Variants in LRRC3B observed in about 807,000 individuals in gnomAD.
LRRC3B encodes leucine-rich repeat-containing protein 3B.
Under a neutral mutation model 12.8 loss-of-function variants are expected in LRRC3B, and 2 were observed. That is an observed-to-expected ratio of 0.16 (90% CI 0.06 to 0.49). The LOEUF (loss-of-function observed/expected upper bound fraction) is 0.49. LRRC3B is among the 20% of genes least tolerant of loss of function. The probability of loss-of-function intolerance (pLI) is 0.96; values close to 1 mark genes in which losing one functional copy is unlikely to be tolerated. For missense variants in LRRC3B, 189 were observed against 319.4 expected (o/e 0.59, Z 3.11); for synonymous variants, 132 against 122.0 (o/e 1.08, Z -0.54).
intron 1 of LRRC3B, among the ~76,000 whole-genome samples, chr3:26,686,301 G>A (rs150772026): frequency 1.4e-4 from 22 of 152,192 alleles, no homozygotes; most frequent in African/African-American, 4.6e-4. Flanking sequence ...GGATTGTCTC[G>A]ATCTCCTGGC....
chr3:26,683,901 G>A lies in LRRC3B; in HGVS notation c.-160-25612G>A, dbSNP rs144176741. On this transcript the variant is annotated intron_variant, in intron 1 of 1. Transcript: ENST00000396641. ...AGCACTTTGTCAGACAAATCTTGGC[G>A]CCAGCTCTTTGGGTTCCTTTTTGAG... Among the ~76,000 whole-genome samples the A allele has an allele frequency of 2.1e-3, 326 of 152,260 alleles. 2 individuals are homozygous for A. The highest frequency in any genetic ancestry group is 7.6e-3 in the African/African-American group (315 of 41,552).
At chr3:26,707,601 G>A (rs921514853) in intron 1 of LRRC3B, among the ~76,000 whole-genome samples, 4 of 152,078 alleles carry the variant, frequency 2.6e-5, no homozygotes, top group African/African-American at 9.7e-5. Context: ...GCATGTTTTA[G>A]GCTGGTTGCA....
At chr3:26,666,969 G>C (rs1457066827) in intron 1 of LRRC3B, among the ~76,000 whole-genome samples, 1 of 152,048 alleles carries the variant, frequency 6.6e-6, no homozygotes, top group South Asian at 2.1e-4. Flanking sequence ...AAAAAGAGCG[G>C]TATTACTAAC....
At chr3:26,698,113 G>A (rs1245383874) in intron 1 of LRRC3B, among the ~76,000 whole-genome samples, 1 of 152,198 alleles carries the variant, frequency 6.6e-6, no homozygotes, top group Non-Finnish European at 1.5e-5. Context: ...GTAAGATGAT[G>A]ATGATAGTGG....
chr3:26,647,102 A>C (rs1699168123), intron 1 of LRRC3B, among the ~76,000 whole-genome samples: 1 of 152,096 alleles, frequency 6.6e-6, no homozygotes, highest in African/African-American at 2.4e-5. Context: ...CAAGCTGCTG[A>C]ACTTACACTT....
At chr3:26,698,412 A>C (rs1700372684) in intron 1 of LRRC3B, among the ~76,000 whole-genome samples, 1 of 152,142 alleles carries the variant, frequency 6.6e-6, no homozygotes, top group African/African-American at 2.4e-5. Flanking sequence ...GGAGTCCTGG[A>C]GTTCATGAGA....
At chr3:26,710,689 A>G (rs140504217) in exon 2 of LRRC3B, 180 of 393,098 alleles carry the variant, frequency 4.6e-4, no homozygotes, top group African/African-American at 2.2e-3. Flanking sequence ...CTATCTGAAC[A>G]TTAGTTAGAT....
At chr3:26,702,285 C>T (rs1700473630) in intron 1 of LRRC3B, among the ~76,000 whole-genome samples, 1 of 152,172 alleles carries the variant, frequency 6.6e-6, no homozygotes, top group Non-Finnish European at 1.5e-5. Flanking sequence ...GGATCTGCTA[C>T]CAGATTATTC....
At position 26,685,494 on chromosome 3, in the gene LRRC3B, T is replaced by C. The variant is rs1288870450; in HGVS notation, c.-160-24019T>C. Among the ~76,000 whole-genome samples, 41 of 40,592 alleles carry C rather than the reference T, an allele frequency of 1.0e-3. 1 individual carries two copies. In the East Asian group the frequency reaches 0.011, roughly 11 times the overall value. 26.6% of individuals were successfully genotyped at this position (40,592 alleles called of 152,430 possible). A position where few individuals can be genotyped will look rare whatever the true frequency, so the allele number is the denominator to read the frequency against. Reference sequence around the variant, plus strand: ...ATATGGTAGACTCTCTCCCTCTCTCTCTCTCTCTCTCTCTCTCTCTCTCTC... The same window carrying C: ...ATATGGTAGACTCTCTCCCTCTCTCCCTCTCTCTCTCTCTCTCTCTCTCTC... On this transcript the variant is annotated intron_variant, in intron 1 of 1. Coordinates refer to ENST00000396641, the Ensembl canonical transcript of LRRC3B.
chr3:26,672,991 T>A lies in LRRC3B; in HGVS notation c.-160-36522T>A, dbSNP rs141623221. Among the ~76,000 whole-genome samples the A allele has an allele frequency of 4.4e-3, 672 of 152,344 alleles. 7 individuals are homozygous for A. The highest frequency in any genetic ancestry group is 6.9e-3 in the Non-Finnish European group (468 of 68,028). On this transcript the variant is annotated intron_variant, in intron 1 of 1. Transcript: ENST00000396641. The stretch of plus-strand genomic sequence containing the variant: ...TGGTTGGCGAAGTAGGTTTATTTAT[T>A]GTCCAAAAATTTTACTCCACTAGTC...
rs773342091 is a variant in LRRC3B, at chr3:26,709,709, T to C, written c.37T>C (p.Ser13Pro). ...AGACCTGTGGTTAACCCGTTCCCTCTCCATGTGTCTCCTCCTACAAAGTTT... is the reference window on the plus strand; with the variant it reads ...AGACCTGTGGTTAACCCGTTCCCTCCCCATGTGTCTCCTCCTACAAAGTTT... Residue 13 changes from serine to proline, a missense_variant, in exon 2 of 2, where the codon TCC (serine) becomes CCC (proline). Coordinates refer to ENST00000396641, the Ensembl canonical transcript of LRRC3B. 12 of 1,613,988 alleles carry C rather than the reference T, an allele frequency of 7.4e-6. No homozygotes were observed. The East Asian group carries it at 2.7e-4, about 36-fold the overall frequency.
chr3:26,656,386 A>G (rs1699373200), intron 1 of LRRC3B, among the ~76,000 whole-genome samples: 1 of 152,276 alleles, frequency 6.6e-6, no homozygotes, highest in South Asian at 2.1e-4. Context: ...TGCTCCCTGT[A>G]GTCATTCAGG....
At chr3:26,625,805 A>T (rs1406973306) in intron 1 of LRRC3B, among the ~76,000 whole-genome samples, 1 of 152,178 alleles carries the variant, frequency 6.6e-6, no homozygotes, top group Non-Finnish European at 1.5e-5. Context: ...ACTATCTTTG[A>T]TGTTGTGTGT....
At chr3:26,680,966 GA>G (rs777256706) in intron 1 of LRRC3B, among the ~76,000 whole-genome samples, 2 of 152,136 alleles carry the variant, frequency 1.3e-5, no homozygotes, top group Non-Finnish European at 2.9e-5. Flanking sequence ...ATTGGACAGG[GA>G]AGAGAAACAT....
intron 1 of LRRC3B, among the ~76,000 whole-genome samples, chr3:26,650,733 A>G (rs1699247993): frequency 2.0e-5 from 3 of 152,140 alleles, no homozygotes; most frequent in Admixed American, 2.0e-4. Flanking sequence ...TATTGCTGTT[A>G]TTATTAGTTA....
At chr3:26,699,813 T>C (rs1346136704) in intron 1 of LRRC3B, among the ~76,000 whole-genome samples, 4 of 152,172 alleles carry the variant, frequency 2.6e-5, no homozygotes, top group African/African-American at 9.7e-5. Context: ...CCAAGATGGA[T>C]AGATTCCCAC....
At chr3:26,688,372 TA>T (rs751108515) in intron 1 of LRRC3B, among the ~76,000 whole-genome samples, 5 of 152,150 alleles carry the variant, frequency 3.3e-5, no homozygotes, top group Non-Finnish European at 5.9e-5. Context: ...CCAGCACCAA[TA>T]AAAAATAATG....
At chr3:26,638,852 A>G (rs1441002449) in intron 1 of LRRC3B, among the ~76,000 whole-genome samples, 1 of 152,246 alleles carries the variant, frequency 6.6e-6, no homozygotes, top group African/African-American at 2.4e-5. Flanking sequence ...AGGCTGCTGA[A>G]TGAAGAAGGT....
chr3:26,662,542 GCTGT>G (rs1465996600), intron 1 of LRRC3B, among the ~76,000 whole-genome samples: 2 of 152,082 alleles, frequency 1.3e-5, no homozygotes, highest in Non-Finnish European at 2.9e-5. Flanking sequence ...CTGATTGGTT[GCTGT>G]CTAAGTCATT....
Sources: allele counts gnomAD v4.1 joint callset (sites outside exome capture counted in the v4.1 genomes callset), GRCh38; gene constraint gnomAD v4.1.1; transcripts MANE v1.5; gene names NCBI Gene and HGNC (gene_info 2026-07-23, HGNC 2026-07-21).